VEPH1: variants seen among roughly 807,000 people sequenced by gnomAD.
VEPH1 encodes the protein ventricular zone expressed PH domain containing 1, also known as ventricular zone-expressed PH domain-containing protein homolog 1.
Under a neutral mutation model 85.2 loss-of-function variants are expected in VEPH1, and 80 were observed. That is an observed-to-expected ratio of 0.94 (90% CI 0.78 to 1.13). The LOEUF is 1.13. Ranked by LOEUF, VEPH1 falls within the 50% of genes most tolerant of loss-of-function variation. The pLI, the probability that VEPH1 is intolerant of heterozygous loss-of-function variation, is 0.00. For missense variants in VEPH1, 955 were observed against 980.5 expected (o/e 0.97, Z 0.35); for synonymous variants, 297 against 348.0 (o/e 0.85, Z 1.63).
chr3:157,431,974 A>T lies in VEPH1; in HGVS notation c.530-3486T>A, dbSNP rs1577640115. The stretch of plus-strand genomic sequence containing the variant: ...GTGATTCTCCTGCCTCAGCCTCCCA[A>T]ATAGCTGGGATTACAGGTGCCTGCC... On this transcript the variant is annotated intron_variant, in intron 4 of 13. Transcript: ENST00000362010. 4.0e-5 allele frequency among the ~76,000 whole-genome samples: 6 copies of T among 151,852 alleles called. No homozygotes were observed. The South Asian group carries it at 1.2e-3, about 32-fold the overall frequency.
chr3:157,470,370 C>G lies in VEPH1; in HGVS notation c.298G>C (p.Asp100His). ...ATTTTTGCATGAGGAGTGTCTTCGT[C>G]TTTCCCAAAGGGTCTCAGGTTATGT... is the stretch of plus-strand genomic sequence containing the variant. ...LEHNLRPFGK[D>H]EDTPHAKIAS... The change falls in exon 3 of 14, where the codon GAC (aspartate) becomes CAC (histidine). Residue 100 changes from aspartate (D) to histidine (H), a missense_variant. Coordinates refer to ENST00000362010, the MANE Select transcript of VEPH1 (RefSeq NM_001167912.2). 1.2e-6 allele frequency: 2 copies of G among 1,614,124 alleles called. No homozygotes were observed. Among genetic ancestry groups the G allele is most frequent in the Non-Finnish European group, 1.7e-6 (2 of 1,180,032 alleles).
At chr3:157,481,486 A>AAAAAAAAAAAAAAAAC (rs57277738) in intron 2 of VEPH1, among the ~76,000 whole-genome samples, 4 of 79,050 alleles carry the variant, frequency 5.1e-5, no homozygotes, top group East Asian at 1.1e-3. Flanking sequence ...AAAAAAAAAA[A>AAAAAAAAAAAAAAAAC]CAATCCTAAG....
intron 13 of VEPH1, among the ~76,000 whole-genome samples, chr3:157,262,112 C>T (rs1452191483): frequency 6.6e-6 from 1 of 152,140 alleles, no homozygotes; most frequent in Non-Finnish European, 1.5e-5. Context: ...AATCACCCTC[C>T]TTTCACTTTG....
intron 6 of VEPH1, among the ~76,000 whole-genome samples, chr3:157,383,109 G>A (rs1335281801): frequency 2.0e-5 from 3 of 152,092 alleles, no homozygotes; most frequent in Admixed American, 6.5e-5. Context: ...GATTACAGGC[G>A]TGAGCCACCG....
chr3:157,408,028 C>T (rs1025570022), intron 6 of VEPH1, among the ~76,000 whole-genome samples: 1 of 152,094 alleles, frequency 6.6e-6, no homozygotes, highest in African/African-American at 2.4e-5. Flanking sequence ...TTGCCCTCAT[C>T]GTAAGCAAAT....
intron 9 of VEPH1, among the ~76,000 whole-genome samples, chr3:157,358,129 G>A (rs908248883): frequency 6.6e-5 from 10 of 152,214 alleles, no homozygotes; most frequent in East Asian, 1.9e-4. Context: ...TGTGTTTCAC[G>A]GGCTGTTGCA....
chr3:157,394,354 TC>T (rs916665542), intron 6 of VEPH1, among the ~76,000 whole-genome samples: 2 of 152,336 alleles, frequency 1.3e-5, no homozygotes, highest in Non-Finnish European at 2.9e-5. Context: ...AGAAGCTTTT[TC>T]CTAAGTTTGA....
chr3:157,346,152 A>T (rs1256620400), intron 9 of VEPH1, among the ~76,000 whole-genome samples: 1 of 152,144 alleles, frequency 6.6e-6, no homozygotes, highest in Non-Finnish European at 1.5e-5. Flanking sequence ...CGTTGTACAC[A>T]TGTACCCTAG....
intron 4 of VEPH1, among the ~76,000 whole-genome samples, chr3:157,431,262 G>A (rs553754987): frequency 9.2e-5 from 14 of 152,240 alleles, no homozygotes; most frequent in South Asian, 8.3e-4. Flanking sequence ...CCTCAGCCAC[G>A]TGGAACTGAG....
At chr3:157,467,893 T>C (rs1437068461) in intron 3 of VEPH1, among the ~76,000 whole-genome samples, 3 of 152,238 alleles carry the variant, frequency 2.0e-5, no homozygotes, top group Admixed American at 2.0e-4. Context: ...TTACACTGTC[T>C]TGATCATCAA....
chr3:157,430,077 A>G (rs1380360150), intron 4 of VEPH1, among the ~76,000 whole-genome samples: 2 of 152,236 alleles, frequency 1.3e-5, no homozygotes, highest in African/African-American at 4.8e-5. Context: ...CAAGTCATCA[A>G]ACAAATGTAG....
chr3:157,381,626 C>T (rs914831777), intron 6 of VEPH1: 7 of 477,190 alleles, frequency 1.5e-5, no homozygotes, highest in African/African-American at 5.9e-5. Context: ...GGCTGAGGCA[C>T]GAGAATCACT....
At chr3:157,410,253 C>A (rs1731429339) in intron 6 of VEPH1, among the ~76,000 whole-genome samples, 1 of 152,084 alleles carries the variant, frequency 6.6e-6, no homozygotes, top group Non-Finnish European at 1.5e-5. Flanking sequence ...ACAAGCACCC[C>A]CAAAATCCCC....
At chr3:157,358,099 A>G (rs920745053) in intron 9 of VEPH1, among the ~76,000 whole-genome samples, 1 of 152,140 alleles carries the variant, frequency 6.6e-6, no homozygotes, top group Non-Finnish European at 1.5e-5. Context: ...GTAAATCTTC[A>G]TTTCTTCTTG....
chr3:157,495,982 C>T (rs1448532661), intron 1 of VEPH1, among the ~76,000 whole-genome samples: 2 of 152,282 alleles, frequency 1.3e-5, no homozygotes, highest in South Asian at 2.1e-4. Flanking sequence ...GGTTGGGCTG[C>T]CTTGCTACGC....
chr3:157,342,096 G>A (rs1028134153), intron 9 of VEPH1, among the ~76,000 whole-genome samples: 4 of 152,132 alleles, frequency 2.6e-5, no homozygotes, highest in African/African-American at 9.7e-5. Context: ...GACCATCGAG[G>A]CTAGGAAGAA....
intron 2 of VEPH1, among the ~76,000 whole-genome samples, chr3:157,475,192 A>G (rs1458439149): frequency 1.7e-5 from 2 of 118,926 alleles, no homozygotes; most frequent in Non-Finnish European, 1.8e-5. Context: ...GAGTCTCGTT[A>G]TTTTTCCCTG....
chr3:157,319,009 A>C (rs554944016), intron 9 of VEPH1, among the ~76,000 whole-genome samples: 1 of 152,328 alleles, frequency 6.6e-6, no homozygotes, highest in East Asian at 1.9e-4. Context: ...TCTGTGCTCT[A>C]TCAGAGGTCA....
chr3:157,363,474 T>G lies in VEPH1; in HGVS notation c.1625A>C (p.Glu542Ala). The G allele has an allele frequency of 6.2e-7, 1 of 1,614,102 alleles. No homozygotes were observed. Among genetic ancestry groups the G allele is most frequent in the African/African-American group, 1.3e-5 (1 of 75,038 alleles). ...GTGCAAGTAGAGCTTATCTTGGTAT[T>G]CTATAGGACTTGCAGTTGTCTCTGG... is the stretch of plus-strand genomic sequence containing the variant. ...ETPETTASPI[E>A]YQDKLYLHLK... is the part of the protein sequence containing the mutation. Residue 542 changes from glutamate to alanine, a missense_variant, in exon 9 of 14, where the codon GAA becomes GCA. Glu to Ala is a moderately radical substitution (Grantham distance 107). Transcript: ENST00000362010.
Sources: allele counts gnomAD v4.1 joint callset (sites outside exome capture counted in the v4.1 genomes callset), GRCh38; gene constraint gnomAD v4.1.1; transcripts MANE v1.5; gene names NCBI Gene and HGNC (gene_info 2026-07-23, HGNC 2026-07-21).